Variants in PTPRU observed in about 807,000 individuals in gnomAD.
The protein encoded by PTPRU is protein tyrosine phosphatase receptor type U, also known as receptor-type tyrosine-protein phosphatase U.
Under a neutral mutation model 166.3 loss-of-function variants are expected in PTPRU, and 69 were observed. That is an observed-to-expected ratio of 0.41 (90% CI 0.34 to 0.51). The LOEUF (loss-of-function observed/expected upper bound fraction) is 0.51. PTPRU is among the 20% of genes least tolerant of loss of function. The probability of loss-of-function intolerance (pLI) is 0.09; values close to 1 mark genes in which losing one functional copy is unlikely to be tolerated. For synonymous variants in PTPRU, 793 were observed against 814.0 expected (o/e 0.97, Z 0.44); for missense variants, 1,657 against 2,013.7 (o/e 0.82, Z 3.39).
intron 1 of PTPRU, among the ~76,000 whole-genome samples, chr1:29,243,929 G>A (rs1254728219): frequency 1.3e-5 from 2 of 152,196 alleles, no homozygotes; most frequent in African/African-American, 4.8e-5. Flanking sequence ...ACTGTGGGAG[G>A]ACCCCTGAGG....
At chr1:29,272,395 G>T (rs777856469) in intron 7 of PTPRU, among the ~76,000 whole-genome samples, 8 of 152,096 alleles carry the variant, frequency 5.3e-5, no homozygotes, top group Non-Finnish European at 8.8e-5. Flanking sequence ...ATCTCTCTTC[G>T]ATGGCTCCAT....
At chr1:29,308,050 C>T (rs866449136) in intron 18 of PTPRU, among the ~76,000 whole-genome samples, 1 of 152,102 alleles carries the variant, frequency 6.6e-6, no homozygotes, top group Non-Finnish European at 1.5e-5. Context: ...AGCCACCACA[C>T]CTGGCCCATT....
Position 29,311,467 on chromosome 1 carries a change from G to T in PTPRU, c.2869G>T (p.Glu957Ter). 6.2e-7 allele frequency: 1 copy of T among 1,614,152 alleles called. No individual in the cohort carries two copies. The highest frequency in any genetic ancestry group is 1.1e-5 in the South Asian group (1 of 91,082). Residue 957 changes from glutamate (E) to a stop codon, truncating the protein, a stop_gained, in exon 20 of 30, where the codon GAG becomes TAG. Transcript: ENST00000373779. LOFTEE classifies it high-confidence loss of function. The surrounding 1 kb of genome is among the most constrained non-coding windows in gnomAD (Gnocchi z 4.1). ...HFIATQGPKP[E>*]MVYDFWRMVW... Reference sequence around the variant, plus strand: ...GCCTGCATCCCCAGGGCCGAAGCCTGAGATGGTCTATGACTTCTGGCGTAT... The same window carrying T: ...GCCTGCATCCCCAGGGCCGAAGCCTTAGATGGTCTATGACTTCTGGCGTAT...
chr1:29,262,285 G>A (rs1345708973), intron 7 of PTPRU, among the ~76,000 whole-genome samples: 1 of 152,060 alleles, frequency 6.6e-6, no homozygotes, highest in Admixed American at 6.5e-5. Context: ...TCTAGAATTG[G>A]CTTTTTTTGG....
At chr1:29,247,587 G>T (rs905925343) in intron 1 of PTPRU, among the ~76,000 whole-genome samples, 37 of 152,118 alleles carry the variant, frequency 2.4e-4, no homozygotes, top group Admixed American at 6.5e-4. Context: ...GTCGCAGGGT[G>T]TCTGTGGGGC....
rs772864093 is a variant in PTPRU, at chr1:29,291,974, G to A, written c.2424G>A (p.Glu808=). The change falls in exon 15 of 30, where the codon GAG becomes GAA. Residue 808 remains glutamate, a synonymous_variant. Coordinates refer to ENST00000373779, the MANE Select transcript of PTPRU (RefSeq NM_133178.4). This position sits in a 1 kb window ranked among gnomAD's most constrained non-coding sequence, Gnocchi z 4.1. The stretch of plus-strand genomic sequence containing the variant: ...TCACAGACCAGAGCACCCTGCAGGA[G>A]GACGAGCGGCTGGGCCTGTCCTTCA... ...RSFTDQSTLQ[E]DERLGLSFMD... 1 of 1,614,162 alleles carries A rather than the reference G, an allele frequency of 6.2e-7. No individual in the cohort carries two copies. Among genetic ancestry groups the A allele is most frequent in the South Asian group, 1.1e-5 (1 of 91,078 alleles).
intron 1 of PTPRU, among the ~76,000 whole-genome samples, chr1:29,241,495 T>G (rs1183996125): frequency 6.6e-6 from 1 of 151,756 alleles, no homozygotes; most frequent in Non-Finnish European, 1.5e-5. Context: ...GGGGTATCTG[T>G]GTATGAAACA....
Position 29,257,250 on chromosome 1 carries a change from G to A in PTPRU, c.206-1255G>A, listed in dbSNP as rs1256762506. ...TAGCATGAGTGGGCCAAGAGGGAGTGTGTTGGGGGTTGAGAAGTGCCCCTT... is the reference window on the plus strand; with the variant it reads ...TAGCATGAGTGGGCCAAGAGGGAGTATGTTGGGGGTTGAGAAGTGCCCCTT... On this transcript the variant is annotated intron_variant, in intron 2 of 29. Transcript: ENST00000373779. The surrounding 1 kb of genome is among the most constrained non-coding windows in gnomAD (Gnocchi z 4.6). 3.3e-5 allele frequency among the ~76,000 whole-genome samples: 5 copies of A among 151,928 alleles called. No homozygotes were observed. The highest frequency in any genetic ancestry group is 2.6e-4 in the Admixed American group (4 of 15,246).
At chr1:29,304,906 G>A in intron 17 of PTPRU, 57 bp downstream of exon 17, 2 of 1,485,988 alleles carry the variant, frequency 1.3e-6, no homozygotes, top group Non-Finnish European at 1.9e-6. Context: ...GCATCAGGAG[G>A]GGGAACACAG....
intron 3 of PTPRU, 22 bp from the exon 4 acceptor site, chr1:29,259,239 G>A (rs779205252): frequency 3.1e-6 from 5 of 1,605,920 alleles, no homozygotes; most frequent in Non-Finnish European, 4.3e-6. Context: ...CAGTATGATA[G>A]GGGCCCTCCC....
Position 29,260,106 on chromosome 1 carries a change from G to A in PTPRU, c.850+62G>A. 7.4e-7 allele frequency: 1 copy of A among 1,346,168 alleles called. No individual in the cohort carries two copies. Among genetic ancestry groups the A allele is most frequent in the South Asian group, 1.9e-5 (1 of 53,964 alleles). The allele number at this position is 1,346,168 out of a possible 1,614,324, so 83.4% of individuals were successfully genotyped here. ...CCCTCGAGGGGCGGGGCCGGCGACG[G>A]GGGCGGGCTCTGCCCGGGGGCGTGG... On this transcript the variant is annotated intron_variant, in intron 6 of 29. Coordinates refer to ENST00000373779, the MANE Select transcript of PTPRU (RefSeq NM_133178.4). This position sits in a 1 kb window ranked among gnomAD's most constrained non-coding sequence, Gnocchi z 8.3.
In PTPRU at chr1:29,320,534, C is replaced by T; in HGVS notation, c.3688-151C>T. ...ACCCAGGCCTCAGTGTGCCAACCAA[C>T]ATCAGAAATGGCCCACTGGAGGCAG... On this transcript the variant is annotated intron_variant, in intron 25 of 29. Transcript: ENST00000373779. The surrounding 1 kb of genome is among the most constrained non-coding windows in gnomAD (Gnocchi z 5.2). 1.1e-6 allele frequency: 1 copy of T among 890,192 alleles called. No homozygotes were observed. The highest frequency in any genetic ancestry group is 1.6e-6 in the Non-Finnish European group (1 of 635,012). The allele number at this position is 890,192 out of a possible 1,614,324, so 55.1% of individuals were successfully genotyped here. A position where few individuals can be genotyped will look rare whatever the true frequency, so the allele number is the denominator to read the frequency against.
chr1:29,311,366 C>T lies in PTPRU; in HGVS notation c.2858-90C>T. 2 of 1,315,836 alleles carry T rather than the reference C, an allele frequency of 1.5e-6. No individual in the cohort carries two copies. The highest frequency in any genetic ancestry group is 1.2e-5 in the South Asian group (1 of 80,184). The allele number at this position is 1,315,836 out of a possible 1,614,324, so 81.5% of individuals were successfully genotyped here. On this transcript the variant is annotated intron_variant, in intron 19 of 29. Coordinates refer to ENST00000373779, the MANE Select transcript of PTPRU (RefSeq NM_133178.4). The surrounding 1 kb of genome is among the most constrained non-coding windows in gnomAD (Gnocchi z 4.1). ...CGTTGGGGCTCAGGAGGCCTCCTGG[C>T]CTGGGGTGTGGTGCTGGATGGTGCT...
Position 29,317,384 on chromosome 1 carries a change from G to A in PTPRU, c.3514-364G>A, listed in dbSNP as rs533627428. On this transcript the variant is annotated intron_variant, in intron 24 of 29. Transcript: ENST00000373779. The surrounding 1 kb of genome is among the most constrained non-coding windows in gnomAD (Gnocchi z 5.6). ...GCTAGTAAAGTTCCTCACTGTGCCC[G>A]TGTGTGCCGAGCTCAGCCCAGTGCT... Among the ~76,000 whole-genome samples, 16 of 152,242 alleles carry A rather than the reference G, an allele frequency of 1.1e-4. No homozygotes were observed. Among genetic ancestry groups the A allele is most frequent in the East Asian group, 7.7e-4 (4 of 5,170 alleles).
chr1:29,295,078 C>T (rs1686819442), intron 15 of PTPRU, among the ~76,000 whole-genome samples: 1 of 152,148 alleles, frequency 6.6e-6, no homozygotes, highest in Non-Finnish European at 1.5e-5. Context: ...GCTCTGTCAC[C>T]CAGGCTGGAG....
chr1:29,310,144 G>T (rs998357929), intron 18 of PTPRU, among the ~76,000 whole-genome samples: 9 of 152,122 alleles, frequency 5.9e-5, no homozygotes, highest in African/African-American at 9.7e-5. Context: ...CCATAACAGG[G>T]TCATTATTAT....
Position 29,258,795 on chromosome 1 carries a change from G to C in PTPRU, c.477+19G>C, listed in dbSNP as rs1192270000. 2 of 1,551,032 alleles carry C rather than the reference G, an allele frequency of 1.3e-6. No homozygotes were observed. The highest frequency in any genetic ancestry group is 2.7e-5 in the African/African-American group (2 of 73,238). On this transcript the variant is annotated intron_variant, in intron 3 of 29. Transcript: ENST00000373779. ...ATATCAGGTGGGCTGGGTTCAGTCA[G>C]CGGTCAGCCTGTGCCTGGAGGTGGG...
At position 29,282,966 on chromosome 1, in the gene PTPRU, G is replaced by C. The variant is rs1197613404; in HGVS notation, c.2142+17G>C. ...CTGAAGGGGGTGAGGGACCGGCCAG[G>C]GTCATGGTGGGCGTGGTTGGGTGTG... On this transcript the variant is annotated intron_variant, in intron 12 of 29. Coordinates refer to ENST00000373779, the MANE Select transcript of PTPRU (RefSeq NM_133178.4). The C allele has an allele frequency of 1.2e-6, 2 of 1,604,778 alleles. No individual in the cohort carries two copies. Among genetic ancestry groups the C allele is most frequent in the Admixed American group, 3.4e-5 (2 of 59,366 alleles).
At chr1:29,307,003 T>A in intron 18 of PTPRU, 1 of 1,101,568 alleles carries the variant, frequency 9.1e-7, no homozygotes, top group East Asian at 2.5e-5. Context: ...CCTGCCCGTC[T>A]CCGCTCTGCC....
Sources: allele counts gnomAD v4.1 joint callset (sites outside exome capture counted in the v4.1 genomes callset), GRCh38; gene constraint gnomAD v4.1.1; non-coding constraint Gnocchi (gnomAD v3.1); transcripts MANE v1.5; gene names NCBI Gene and HGNC (gene_info 2026-07-23, HGNC 2026-07-21).